The following GIPC2 variants were observed in gnomAD, a reference collection of about 807,000 sequenced individuals.
GIPC2 encodes PDZ domain-containing protein GIPC2.
Under a neutral mutation model 30.6 loss-of-function variants are expected in GIPC2, and 30 were observed. The ratio of observed to expected loss-of-function variants is 0.98; its 90% CI spans 0.73 to 1.33. The LOEUF is 1.33. Ranked by LOEUF, GIPC2 falls within the 40% of genes most tolerant of loss-of-function variation. The probability of loss-of-function intolerance (pLI) is 0.00; values close to 1 mark genes in which losing one functional copy is unlikely to be tolerated. For synonymous variants in GIPC2, 167 were observed against 150.0 expected (o/e 1.11, Z -0.83); for missense variants, 414 against 390.3 (o/e 1.06, Z -0.51).
chr1:78,104,826 A>G (rs1324213542), intron 3 of GIPC2, among the ~76,000 whole-genome samples: 2 of 152,208 alleles, frequency 1.3e-5, no homozygotes, highest in Non-Finnish European at 2.9e-5. Context: ...ATTGCATTTT[A>G]TCTGACAGTG....
chr1:78,093,511 T>A (rs1662080956), intron 2 of GIPC2, among the ~76,000 whole-genome samples: 1 of 152,248 alleles, frequency 6.6e-6, no homozygotes, highest in Admixed American at 6.5e-5. Flanking sequence ...AAATTTGGGA[T>A]AAAAGAGAAA....
chr1:78,131,238 G>C (rs1334920621), intron 5 of GIPC2, among the ~76,000 whole-genome samples: 2 of 149,508 alleles, frequency 1.3e-5, no homozygotes, highest in Non-Finnish European at 3.0e-5. Flanking sequence ...ACAGAGTCTT[G>C]CTCTGTCGCC....
At chr1:78,065,091 A>G (rs1661479918) in intron 1 of GIPC2, among the ~76,000 whole-genome samples, 1 of 152,132 alleles carries the variant, frequency 6.6e-6, no homozygotes, top group African/African-American at 2.4e-5. Context: ...TTCTCGCCTC[A>G]GCCCCTGAGT....
intron 1 of GIPC2, among the ~76,000 whole-genome samples, chr1:78,056,090 C>T (rs969922601): frequency 1.3e-5 from 2 of 152,190 alleles, no homozygotes; most frequent in African/African-American, 4.8e-5. Context: ...ACTTCCATAA[C>T]TCTTATCAGA....
chr1:78,066,118 T>C (rs935849380), intron 1 of GIPC2, among the ~76,000 whole-genome samples: 9 of 151,912 alleles, frequency 5.9e-5, no homozygotes, highest in East Asian at 3.9e-4. Context: ...ACCTAGAGAA[T>C]TGGAGAAAAT....
chr1:78,046,746 G>C (rs763464813), intron 1 of GIPC2, among the ~76,000 whole-genome samples: 1 of 152,130 alleles, frequency 6.6e-6, no homozygotes, highest in Non-Finnish European at 1.5e-5. Context: ...CTCCGCAGGC[G>C]TGAGAGTCAC....
At chr1:78,108,461 CA>C (rs1662401927) in intron 3 of GIPC2, among the ~76,000 whole-genome samples, 1 of 152,160 alleles carries the variant, frequency 6.6e-6, no homozygotes, top group Non-Finnish European at 1.5e-5. Context: ...ATGGTTGAGC[CA>C]CCTTTGTGTG....
At chr1:78,113,971 A>G (rs1557547287) in intron 3 of GIPC2, among the ~76,000 whole-genome samples, 1 of 151,820 alleles carries the variant, frequency 6.6e-6, no homozygotes, top group Non-Finnish European at 1.5e-5. Flanking sequence ...TCATTTCATC[A>G]GCTCATGTAC....
chr1:78,117,348 T>C (rs1001803138), intron 3 of GIPC2, among the ~76,000 whole-genome samples: 5 of 152,158 alleles, frequency 3.3e-5, no homozygotes, highest in Non-Finnish European at 5.9e-5. Context: ...CTCCGGTTCT[T>C]TAGTGCAGGG....
intron 1 of GIPC2, among the ~76,000 whole-genome samples, chr1:78,050,483 C>T (rs1661175510): frequency 6.6e-6 from 1 of 151,936 alleles, no homozygotes; most frequent in African/African-American, 2.4e-5. Context: ...TGCAAAAATC[C>T]CTCATATCTG....
intron 3 of GIPC2, among the ~76,000 whole-genome samples, chr1:78,105,036 A>C (rs1456018747): frequency 6.6e-6 from 1 of 152,200 alleles, no homozygotes; most frequent in Non-Finnish European, 1.5e-5. Context: ...CCTTTTGTGG[A>C]GTGTCACAGA....
chr1:78,063,668 T>G (rs1661447280), intron 1 of GIPC2, among the ~76,000 whole-genome samples: 1 of 151,874 alleles, frequency 6.6e-6, no homozygotes, highest in African/African-American at 2.4e-5. Flanking sequence ...GCAGATCACT[T>G]GAGGTCAGGG....
intron 3 of GIPC2, among the ~76,000 whole-genome samples, chr1:78,110,777 G>A (rs1662452334): frequency 1.3e-5 from 2 of 152,174 alleles, no homozygotes; most frequent in South Asian, 2.1e-4. Flanking sequence ...TGATGGTTGA[G>A]TCTCTGCTTA....
At position 78,061,102 on chromosome 1, in the gene GIPC2, A is replaced by C. The variant is rs555953571; in HGVS notation, c.240+14768A>C. ...CTGTGTCTTTAATGGTGATTAGACA[A>C]ATTTTAATAATTTCTAAGAAGTCTA... On this transcript the variant is annotated intron_variant, in intron 1 of 5. Transcript: ENST00000370759. Among the ~76,000 whole-genome samples, 8 of 152,242 alleles carry C rather than the reference A, an allele frequency of 5.3e-5. No homozygotes were observed. The South Asian group carries it at 1.7e-3, about 32-fold the overall frequency.
At chr1:78,068,123 T>G (rs548910802) in intron 1 of GIPC2, among the ~76,000 whole-genome samples, 2 of 152,330 alleles carry the variant, frequency 1.3e-5, no homozygotes, top group East Asian at 3.9e-4. Context: ...TGCTTATTCT[T>G]CTAAGCCAAA....
chr1:78,046,295 C>T lies in GIPC2; in HGVS notation c.201C>T (p.Tyr67=), dbSNP rs962920698. 3.7e-6 allele frequency: 6 copies of T among 1,611,680 alleles called. No individual in the cohort carries two copies. In the African/African-American group the frequency reaches 4.0e-5, roughly 11 times the overall value. The part of the protein sequence containing the change: ...VEGFSSIQEL[Y]AQIAGAFEIS... ...GCTTCTCCAGCATCCAGGAGCTCTA[C>T]GCCCAGATCGCGGGCGCGTTTGAAA... Residue 67 remains tyrosine, a synonymous_variant, in exon 1 of 6, where the codon TAC becomes TAT. Transcript: ENST00000370759.
Position 78,080,674 on chromosome 1 carries a change from G to A in GIPC2, c.241-1G>A. On this transcript the variant is annotated splice_acceptor_variant, in intron 1 of 5. Coordinates refer to ENST00000370759, the MANE Select transcript of GIPC2 (RefSeq NM_017655.6). LOFTEE classifies it high-confidence loss of function. ...ACCTGACATTTTATTTTTCTTTGCA[G>A]ATCTTATATTGCACTTTAAACACAC... 1 of 1,563,242 alleles carries A rather than the reference G, an allele frequency of 6.4e-7. No individual in the cohort carries two copies. The highest frequency in any genetic ancestry group is 2.3e-5 in the East Asian group (1 of 44,218).
chr1:78,060,710 T>C (rs925056449), intron 1 of GIPC2, among the ~76,000 whole-genome samples: 1 of 152,178 alleles, frequency 6.6e-6, no homozygotes, highest in African/African-American at 2.4e-5. Context: ...GGTATATAAA[T>C]TGAATTTTTA....
At chr1:78,107,435 A>G (rs374133299) in intron 3 of GIPC2, among the ~76,000 whole-genome samples, 50 of 152,276 alleles carry the variant, frequency 3.3e-4, no homozygotes, top group East Asian at 2.5e-3. Context: ...ATGACCTACC[A>G]TGCCCGGCTG....
Sources: allele counts gnomAD v4.1 joint callset (sites outside exome capture counted in the v4.1 genomes callset), GRCh38; gene constraint gnomAD v4.1.1; transcripts MANE v1.5; gene names NCBI Gene and HGNC (gene_info 2026-07-23, HGNC 2026-07-21).